The following FMN1 variants were observed in gnomAD, a reference collection of about 807,000 sequenced individuals.
The protein encoded by FMN1 is formin 1, also known as formin-1.
FMN1 carries 110 observed loss-of-function variants against 132.4 expected under a neutral mutation model. That is an observed-to-expected ratio of 0.83 (90% CI 0.71 to 0.97). The LOEUF (loss-of-function observed/expected upper bound fraction) is 0.97. Ranked by LOEUF, FMN1 falls within the 50% of genes least tolerant of loss-of-function variation. The pLI is 0.00. For missense variants in FMN1, 1,792 were observed against 1,705.3 expected, an observed-to-expected ratio of 1.05 and a Z score of -0.90; for synonymous variants, 722 against 651.7, an observed-to-expected ratio of 1.11 and a Z score of -1.64.
intron 16 of FMN1, among the ~76,000 whole-genome samples, chr15:32,865,081 A>T (rs1002227903): frequency 1.3e-5 from 2 of 152,202 alleles, no homozygotes; most frequent in African/African-American, 4.8e-5. Context: ...GCGGATTAGT[A>T]GTGGCTGAGG....
chr15:33,112,229 A>G (rs764566254), intron 4 of FMN1, among the ~76,000 whole-genome samples: 1 of 152,174 alleles, frequency 6.6e-6, no homozygotes, highest in Non-Finnish European at 1.5e-5. Context: ...TTATAAAGGT[A>G]TAATTAAAGA....
intron 6 of FMN1, among the ~76,000 whole-genome samples, chr15:33,042,187 A>C (rs1477772757): frequency 6.6e-6 from 1 of 152,192 alleles, no homozygotes; most frequent in Admixed American, 6.5e-5. Context: ...TCAAATATCC[A>C]GAAATAAATC....
At chr15:32,822,968 C>G (rs1385569304) in intron 17 of FMN1, among the ~76,000 whole-genome samples, 2 of 151,996 alleles carry the variant, frequency 1.3e-5, no homozygotes, top group Non-Finnish European at 2.9e-5. Flanking sequence ...TGAGTCTCAC[C>G]ATTGGGTACA....
chr15:32,806,568 ATCTACAG>A (rs1481168831), intron 17 of FMN1, among the ~76,000 whole-genome samples: 3 of 152,236 alleles, frequency 2.0e-5, no homozygotes, highest in African/African-American at 7.2e-5. Flanking sequence ...TTGACATAGT[ATCTACAG>A]TCTTCAAAAT....
intron 4 of FMN1, chr15:33,105,875 T>C (rs1397324423): frequency 6.6e-6 from 1 of 152,112 alleles, no homozygotes; most frequent in Non-Finnish European, 1.5e-5. Flanking sequence ...CCAGATCTCA[T>C]TACTGTCTGA....
chr15:32,874,124 C>T (rs897397490), intron 16 of FMN1, among the ~76,000 whole-genome samples: 3 of 149,818 alleles, frequency 2.0e-5, no homozygotes, highest in South Asian at 2.1e-4. Flanking sequence ...TGGGTTCAAG[C>T]GATTCTCCTG....
At chr15:32,914,358 G>A (rs897991929) in intron 10 of FMN1, among the ~76,000 whole-genome samples, 14 of 152,148 alleles carry the variant, frequency 9.2e-5, no homozygotes, top group African/African-American at 2.7e-4. Context: ...TAAACTGGAA[G>A]GATACAAAAC....
chr15:32,908,446 C>G (rs373462889), intron 12 of FMN1, 44 bp downstream of exon 12: 1 of 1,253,764 alleles, frequency 8.0e-7, no homozygotes, highest in Non-Finnish European at 1.2e-6. Flanking sequence ...ACAGAAATTG[C>G]AGTTCTCCTT....
chr15:33,020,470 A>G (rs345842), intron 6 of FMN1, among the ~76,000 whole-genome samples: 60,044 of 151,810 alleles, frequency 0.4, 12,219 homozygotes, highest in Admixed American at 0.48. Flanking sequence ...CAACATGGTG[A>G]AACCCCGTCT....
At position 33,119,917 on chromosome 15, in the gene FMN1, A is replaced by G. The variant is rs1248750218; in HGVS notation, c.1868-30943T>C. The stretch of plus-strand genomic sequence containing the variant: ...TATCTTAATGAGACTTTGTGTTTAT[A>G]TTGTGTCTTCTATCTAAAGAGCTCA... On this transcript the variant is annotated intron_variant, in intron 4 of 20. Transcript: ENST00000616417. 2.6e-5 allele frequency among the ~76,000 whole-genome samples: 4 copies of G among 152,226 alleles called. No homozygotes were observed. In the South Asian group the frequency reaches 6.2e-4, roughly 24 times the overall value.
rs578108388 is a variant in FMN1, at chr15:32,770,971, C to T, written c.*3339G>A. On this transcript the variant is annotated 3_prime_UTR_variant, in exon 21 of 21. Transcript: ENST00000616417. The stretch of plus-strand genomic sequence containing the variant: ...CCCCCACCGTCATCATAAACATCCA[C>T]TTCTGCTTGGCCACACTTTTTCTTA... 1 of 152,002 alleles carries T rather than the reference C, an allele frequency of 6.6e-6. No individual in the cohort carries two copies. The highest frequency in any genetic ancestry group is 2.1e-4 in the South Asian group (1 of 4,780). The allele number at this position is 152,002 out of a possible 1,614,324, so 9.4% of individuals were successfully genotyped here. A position where few individuals can be genotyped will look rare whatever the true frequency, so the allele number is the denominator to read the frequency against.
intron 4 of FMN1, among the ~76,000 whole-genome samples, chr15:33,127,186 G>C (rs1215847919): frequency 6.6e-6 from 1 of 152,164 alleles, no homozygotes; most frequent in African/African-American, 2.4e-5. Flanking sequence ...GGTCAGGCCA[G>C]ATCTGTTTCT....
chr15:32,843,255 T>G (rs2058786307), intron 17 of FMN1, among the ~76,000 whole-genome samples: 2 of 152,106 alleles, frequency 1.3e-5, no homozygotes, highest in South Asian at 2.1e-4. Context: ...GAGAAAACAA[T>G]TTGAAAGAGA....
chr15:32,897,698 A>G (rs2060193214), intron 15 of FMN1, among the ~76,000 whole-genome samples: 1 of 152,162 alleles, frequency 6.6e-6, no homozygotes, highest in East Asian at 1.9e-4. Flanking sequence ...AAGCAATAGG[A>G]TCAGAGCTGT....
chr15:32,808,901 G>GTTTTTTTTTTTT, intron 17 of FMN1, among the ~76,000 whole-genome samples: 1 of 144,412 alleles, frequency 6.9e-6, no homozygotes, highest in Non-Finnish European at 1.5e-5. Context: ...AAACTTTAGT[G>GTTTTTTTTTTTT]TTTTTTTTTT....
At chr15:33,116,200 C>CT (rs1268968173) in intron 4 of FMN1, among the ~76,000 whole-genome samples, 2 of 152,128 alleles carry the variant, frequency 1.3e-5, no homozygotes, top group African/African-American at 4.8e-5. Flanking sequence ...TAAACGTAGA[C>CT]TAACTTTTTC....
chr15:32,880,051 TG>T (rs1458825927), intron 16 of FMN1, among the ~76,000 whole-genome samples: 1 of 134,578 alleles, frequency 7.4e-6, no homozygotes, highest in Non-Finnish European at 1.6e-5. Flanking sequence ...AAGCTTCTAT[TG>T]TTTTTTTTTT....
intron 4 of FMN1, among the ~76,000 whole-genome samples, chr15:33,135,450 G>C (rs573558768): frequency 1.3e-5 from 2 of 152,230 alleles, no homozygotes; most frequent in Non-Finnish European, 2.9e-5. Flanking sequence ...GAATAACCCA[G>C]TTAGGGAGGA....
chr15:32,989,851 A>C (rs2033325801), intron 7 of FMN1, among the ~76,000 whole-genome samples: 1 of 152,176 alleles, frequency 6.6e-6, no homozygotes, highest in Admixed American at 6.5e-5. Flanking sequence ...GGAGTTGTCA[A>C]GGATGCATCT....
Sources: allele counts gnomAD v4.1 joint callset (sites outside exome capture counted in the v4.1 genomes callset), GRCh38; gene constraint gnomAD v4.1.1; transcripts MANE v1.5; gene names NCBI Gene and HGNC (gene_info 2026-07-23, HGNC 2026-07-21).